The following RBKS variants were observed in gnomAD, a reference collection of about 807,000 sequenced individuals.
RBKS encodes the protein ribokinase.
In RBKS, 33 loss-of-function variants were observed where a neutral mutation model predicts 33.9. The observed-to-expected ratio is 0.97, with a 90% CI of 0.74 to 1.30. The LOEUF (loss-of-function observed/expected upper bound fraction) is 1.30, where lower values mean the gene tolerates loss of function less well. Among genes scored for constraint, RBKS ranks in the 50% most tolerant of loss-of-function variants. The pLI, the probability that RBKS is intolerant of heterozygous loss-of-function variation, is 0.00. For missense variants in RBKS, 361 were observed against 392.6 expected, an observed-to-expected ratio of 0.92 and a Z score of 0.68; for synonymous variants, 125 against 143.0, an observed-to-expected ratio of 0.87 and a Z score of 0.90.
chr2:27,880,575 A>G (rs1213328222), intron 1 of RBKS, among the ~76,000 whole-genome samples: 2 of 152,198 alleles, frequency 1.3e-5, no homozygotes, highest in Non-Finnish European at 2.9e-5. Flanking sequence ...AAGTCTCAGG[A>G]TACAAAATCA....
At chr2:27,882,157 T>C (rs1664429689) in intron 1 of RBKS, among the ~76,000 whole-genome samples, 1 of 152,156 alleles carries the variant, frequency 6.6e-6, no homozygotes. Context: ...GAGAAAATTT[T>C]TGCAAACTAT....
intron 7 of RBKS, among the ~76,000 whole-genome samples, chr2:27,817,671 A>T (rs1678123229): frequency 6.6e-6 from 1 of 152,166 alleles, no homozygotes; most frequent in South Asian, 2.1e-4. Flanking sequence ...AGGCTGCAGT[A>T]TACTGTACAA....
In RBKS at chr2:27,890,320, C is replaced by T; in HGVS notation, c.26G>A (p.Arg9Lys). MAASGEPQ[R>K]QWQEEVAAVV... ...CGCCGCCACCTCCTCTTGCCACTGC[C>T]TCTGGGGTTCCCCAGACGCCGCCAT... The change falls in exon 1 of 8, where the codon AGG (arginine) becomes AAG (lysine). Residue 9 changes from arginine to lysine, a missense_variant. Coordinates refer to ENST00000302188, the MANE Select transcript of RBKS (RefSeq NM_022128.3). This position sits in a 1 kb window ranked among gnomAD's most constrained non-coding sequence, Gnocchi z 4.8. The T allele has an allele frequency of 6.2e-7, 1 of 1,613,836 alleles. No homozygotes were observed. Among genetic ancestry groups the T allele is most frequent in the African/African-American group, 1.3e-5 (1 of 75,054 alleles).
chr2:27,866,425 T>C (rs1457151789), intron 1 of RBKS, among the ~76,000 whole-genome samples: 1 of 151,732 alleles, frequency 6.6e-6, no homozygotes. Context: ...CTGCTGGATG[T>C]TCATTGTTTG....
chr2:27,825,563 C>T (rs1383066515), intron 7 of RBKS, among the ~76,000 whole-genome samples: 1 of 152,178 alleles, frequency 6.6e-6, no homozygotes, highest in East Asian at 1.9e-4. Context: ...ACTTCCCTAT[C>T]CTCTGATAAG....
chr2:27,823,513 T>A (rs1443814244), intron 7 of RBKS, among the ~76,000 whole-genome samples: 1 of 152,080 alleles, frequency 6.6e-6, no homozygotes, highest in Non-Finnish European at 1.5e-5. Context: ...TGAGAGCAAG[T>A]AATACCCTCC....
At chr2:27,799,074 A>C (rs1407992669) in intron 7 of RBKS, among the ~76,000 whole-genome samples, 1 of 152,120 alleles carries the variant, frequency 6.6e-6, no homozygotes, top group African/African-American at 2.4e-5. Flanking sequence ...TGTCAGGAGG[A>C]TGGGTGCTGA....
intron 1 of RBKS, among the ~76,000 whole-genome samples, chr2:27,860,707 A>G (rs1558552915): frequency 6.6e-6 from 1 of 152,334 alleles, no homozygotes; most frequent in East Asian, 1.9e-4. Flanking sequence ...TAACACAAGC[A>G]TTGTATTAAT....
chr2:27,829,184 C>A (rs1553377309), intron 6 of RBKS, among the ~76,000 whole-genome samples: 2 of 152,064 alleles, frequency 1.3e-5, no homozygotes, highest in Non-Finnish European at 2.9e-5. Flanking sequence ...TATGAGCCAC[C>A]ACGCCTGGCT....
chr2:27,889,788 CA>C (rs763747663), intron 1 of RBKS, among the ~76,000 whole-genome samples: 17 of 152,088 alleles, frequency 1.1e-4, no homozygotes, highest in Non-Finnish European at 2.5e-4. Context: ...TTATTTTATA[CA>C]ATAAGCTCAG....
intron 2 of RBKS, among the ~76,000 whole-genome samples, chr2:27,849,559 C>CAA (rs70953894): frequency 0.011 from 311 of 28,576 alleles, 30 homozygotes; most frequent in East Asian, 0.037. Context: ...GACTCTGTCT[C>CAA]AAAAAAAAAA....
intron 5 of RBKS, among the ~76,000 whole-genome samples, chr2:27,838,709 A>T (rs1402851346): frequency 6.6e-6 from 1 of 152,242 alleles, no homozygotes; most frequent in Non-Finnish European, 1.5e-5. Context: ...TCTGTAATAG[A>T]CAAGGTGGAA....
At chr2:27,797,371 C>A (rs570832806) in intron 7 of RBKS, among the ~76,000 whole-genome samples, 1 of 152,200 alleles carries the variant, frequency 6.6e-6, no homozygotes, top group Non-Finnish European at 1.5e-5. Flanking sequence ...CAGACGCCAG[C>A]AGCAACCCTG....
chr2:27,857,715 A>G (rs553912339), intron 2 of RBKS, among the ~76,000 whole-genome samples: 1 of 152,204 alleles, frequency 6.6e-6, no homozygotes, highest in Non-Finnish European at 1.5e-5. Context: ...CTCACTTCTC[A>G]CACCCCAGTT....
chr2:27,835,908 C>T (rs1678508824), intron 5 of RBKS, among the ~76,000 whole-genome samples: 1 of 151,988 alleles, frequency 6.6e-6, no homozygotes, highest in South Asian at 2.1e-4. Flanking sequence ...GAGGTAAAGA[C>T]ATTACTCTTA....
intron 1 of RBKS, 87 bp from the exon 2 acceptor site, chr2:27,858,658 T>C (rs1663909991): frequency 2.5e-6 from 3 of 1,177,158 alleles, no homozygotes; most frequent in African/African-American, 1.5e-5. Flanking sequence ...GGCTATATGG[T>C]AGAGCTCTAA....
At chr2:27,840,222 G>C (rs1255786666) in intron 5 of RBKS, among the ~76,000 whole-genome samples, 1 of 151,288 alleles carries the variant, frequency 6.6e-6, no homozygotes, top group African/African-American at 2.4e-5. Flanking sequence ...GGGTTTCACC[G>C]TGTTAGCCAG....
intron 7 of RBKS, among the ~76,000 whole-genome samples, chr2:27,815,412 G>C (rs1678068662): frequency 6.6e-6 from 1 of 152,046 alleles, no homozygotes; most frequent in Admixed American, 6.5e-5. Flanking sequence ...TGTTGCCCAG[G>C]CTGGTCTTGT....
chr2:27,879,579 C>A (rs564668993), intron 1 of RBKS, among the ~76,000 whole-genome samples: 2 of 152,244 alleles, frequency 1.3e-5, no homozygotes, highest in East Asian at 3.9e-4. Flanking sequence ...TGCCCTTGAT[C>A]TTGGACTCTC....
Sources: allele counts gnomAD v4.1 joint callset (sites outside exome capture counted in the v4.1 genomes callset), GRCh38; gene constraint gnomAD v4.1.1; non-coding constraint Gnocchi (gnomAD v3.1); transcripts MANE v1.5; gene names NCBI Gene and HGNC (gene_info 2026-07-23, HGNC 2026-07-21).